C17orf99: variants seen among roughly 807,000 people sequenced by gnomAD.
The protein encoded by C17orf99 is chromosome 17 open reading frame 99, also known as protein IL-40.
A neutral mutation model predicts 22.6 loss-of-function variants in C17orf99; 18 were observed. The observed-to-expected ratio is 0.80, with a 90% confidence interval of 0.55 to 1.18. The LOEUF is 1.18. Among genes scored for constraint, C17orf99 ranks in the 50% most tolerant of loss-of-function variants. The probability of loss-of-function intolerance (pLI) is 0.00; values close to 1 mark genes in which losing one functional copy is unlikely to be tolerated. For missense variants in C17orf99, 328 were observed against 342.7 expected (o/e 0.96, Z 0.34); for synonymous variants, 147 against 136.6 (o/e 1.08, Z -0.53).
At chr17:78,151,000 G>C (rs1270295297) in intron 2 of C17orf99, among the ~76,000 whole-genome samples, 1 of 152,060 alleles carries the variant, frequency 6.6e-6, no homozygotes, top group East Asian at 1.9e-4. Flanking sequence ...GCAGGCGCCT[G>C]TAATCCCAGC....
At chr17:78,164,943 G>T in intron 4 of C17orf99, 1 of 1,150,744 alleles carries the variant, frequency 8.7e-7, no homozygotes, top group Non-Finnish European at 1.1e-6. Context: ...TGGGAGGGCA[G>T]TCTCCTAAGT....
intron 2 of C17orf99, among the ~76,000 whole-genome samples, chr17:78,154,160 A>C (rs541319313): frequency 1.1e-4 from 16 of 151,992 alleles, no homozygotes; most frequent in Non-Finnish European, 1.9e-4. Flanking sequence ...TCCTGGCCTC[A>C]AACGATTCAC....
In C17orf99 at chr17:78,146,524, C is replaced by A; in HGVS notation, c.37+80C>A. The A allele has an allele frequency of 7.6e-7, 1 of 1,309,840 alleles. No homozygotes were observed. The highest frequency in any genetic ancestry group is 2.5e-5 in the East Asian group (1 of 39,846). The allele number at this position is 1,309,840 out of a possible 1,614,324, so 81.1% of individuals were successfully genotyped here. On this transcript the variant is annotated intron_variant, in intron 1 of 4. Transcript: ENST00000340363. The surrounding 1 kb of genome is among the most constrained non-coding windows in gnomAD (Gnocchi z 5.2). Reference sequence around the variant, plus strand: ...GGCTCAGGTGGGGGTACTGGGAGCACAGGAGAGATGAGGCCTGAAGGAAGG... The same window carrying A: ...GGCTCAGGTGGGGGTACTGGGAGCAAAGGAGAGATGAGGCCTGAAGGAAGG...
chr17:78,163,965 G>C (rs2145803299), intron 3 of C17orf99, 130 bp from the exon 4 acceptor site: 2 of 776,452 alleles, frequency 2.6e-6, no homozygotes, highest in Admixed American at 2.3e-5. Flanking sequence ...GCAAACTCTA[G>C]AAGGCGGCCT....
chr17:78,147,005 G>C, intron 2 of C17orf99, 94 bp downstream of exon 2: 1 of 1,067,146 alleles, frequency 9.4e-7, no homozygotes, highest in South Asian at 1.4e-5. Flanking sequence ...TGGGAAGGGA[G>C]TTACTAGTGG....
Position 78,166,153 on chromosome 17 carries a change from C to T in C17orf99, c.*107C>T. The T allele has an allele frequency of 7.3e-6, 1 of 136,304 alleles. No homozygotes were observed. The highest frequency in any genetic ancestry group is 9.9e-5 in the East Asian group (1 of 10,120). The allele number at this position is 136,304 out of a possible 1,614,324, so 8.4% of individuals were successfully genotyped here. A position where few individuals can be genotyped will look rare whatever the true frequency, so the allele number is the denominator to read the frequency against. ...ATGAGTGTGTTTTAGCTGCTCTTGC[C>T]ACAAAAAAAAAAAAAAAAAAAAAAG... On this transcript the variant is annotated 3_prime_UTR_variant, in exon 5 of 5. Transcript: ENST00000340363.
intron 3 of C17orf99, 31 bp from the exon 4 acceptor site, chr17:78,164,064 A>C: frequency 6.5e-7 from 1 of 1,537,984 alleles, no homozygotes; most frequent in Non-Finnish European, 8.8e-7. Flanking sequence ...CCGCTCAGCC[A>C]TGCCTGTGCT....
At chr17:78,162,446 G>A (rs9909570) in intron 3 of C17orf99, among the ~76,000 whole-genome samples, 102,254 of 151,038 alleles carry the variant, frequency 0.68, 36,047 homozygotes, top group African/African-American at 0.88. Context: ...ACCAGGAAGT[G>A]TTGCCCGACT....
At chr17:78,162,812 G>A (rs1338624697) in intron 3 of C17orf99, among the ~76,000 whole-genome samples, 1 of 152,134 alleles carries the variant, frequency 6.6e-6, no homozygotes, top group South Asian at 2.1e-4. Flanking sequence ...TTGAGATGGA[G>A]TCTTGCTCTG....
intron 2 of C17orf99, among the ~76,000 whole-genome samples, chr17:78,154,472 C>T (rs1219791922): frequency 2.0e-5 from 3 of 151,550 alleles, no homozygotes; most frequent in African/African-American, 4.9e-5. Flanking sequence ...CGCTTGAACC[C>T]GGGAGGCAGA....
rs929855516 is a variant in C17orf99 at position 78,156,254 on chromosome 17, C to A, written c.71-4701C>A. ...CTGAGGCAGGAGAATCACTTGAACC[C>A]GGGAGGCGGAGGTTGTAGTGAGCCA... On this transcript the variant is annotated intron_variant, in intron 2 of 4. Coordinates refer to ENST00000340363, the MANE Select transcript of C17orf99 (RefSeq NM_001163075.2). Among the ~76,000 whole-genome samples the A allele has an allele frequency of 4.8e-4, 69 of 144,020 alleles. 2 individuals carry two copies. In the Admixed American group the frequency reaches 4.9e-3, roughly 10 times the overall value. 94.5% of individuals were successfully genotyped at this position (144,020 alleles called of 152,430 possible). A position where few individuals can be genotyped will look rare whatever the true frequency, so the allele number is the denominator to read the frequency against.
intron 2 of C17orf99, among the ~76,000 whole-genome samples, chr17:78,160,534 TAA>T (rs372825479): frequency 1.1e-4 from 15 of 135,208 alleles, no homozygotes; most frequent in East Asian, 2.2e-4. Flanking sequence ...AGACTCCATC[TAA>T]AAAAAAAAAA....
intron 2 of C17orf99, 45 bp from the exon 3 acceptor site, chr17:78,160,910 C>A: frequency 1.4e-6 from 2 of 1,479,348 alleles, no homozygotes; most frequent in Non-Finnish European, 1.8e-6. Context: ...GGTGCTTGAT[C>A]AATGTCGGTT....
At chr17:78,163,985 G>A (rs1567823181) in intron 3 of C17orf99, 110 bp from the exon 4 acceptor site, 11 of 966,662 alleles carry the variant, frequency 1.1e-5, no homozygotes, top group South Asian at 8.5e-5. Context: ...TGGAGGAGGC[G>A]GCAGCCACAG....
intron 4 of C17orf99, chr17:78,165,029 C>T: frequency 9.2e-7 from 1 of 1,081,442 alleles, no homozygotes; most frequent in Non-Finnish European, 1.1e-6. Flanking sequence ...CTCCTGCCTT[C>T]TGTGAGAACC....
chr17:78,147,800 T>C (rs1001475286), intron 2 of C17orf99, among the ~76,000 whole-genome samples: 2 of 152,058 alleles, frequency 1.3e-5, no homozygotes, highest in African/African-American at 2.4e-5. Context: ...AACGGATACA[T>C]TGTTGGTGTG....
At chr17:78,160,872 G>A (rs571062918) in intron 2 of C17orf99, 83 bp from the exon 3 acceptor site, 63 of 1,185,532 alleles carry the variant, frequency 5.3e-5, no homozygotes, top group Admixed American at 7.2e-5. Flanking sequence ...GTTTGCCACC[G>A]AGCCTGGCCA....
At chr17:78,154,058 T>C in intron 2 of C17orf99, among the ~76,000 whole-genome samples, 1 of 150,982 alleles carries the variant, frequency 6.6e-6, no homozygotes, top group East Asian at 2.0e-4. Flanking sequence ...CCCGAGTAGC[T>C]GGGACTACAG....
intron 2 of C17orf99, chr17:78,158,020 T>G: frequency 7.3e-7 from 1 of 1,369,646 alleles, no homozygotes; most frequent in Non-Finnish European, 1.0e-6. Context: ...TCCAGCTGAT[T>G]GGCATCCAGG....
Sources: gnomAD v4.1 joint callset for allele counts (sites outside exome capture counted in the v4.1 genomes callset) on GRCh38, gnomAD v4.1.1 for gene constraint, Gnocchi (gnomAD v3.1) non-coding constraint, MANE v1.5 for transcripts, NCBI Gene and HGNC (gene_info 2026-07-23, HGNC 2026-07-21) for gene names.